The following KCND3 variants were observed in gnomAD, a reference collection of about 807,000 sequenced individuals.
KCND3 encodes A-type voltage-gated potassium channel KCND3.
Under a neutral mutation model 51.1 loss-of-function variants are expected in KCND3, and 9 were observed. The observed-to-expected ratio is 0.18, with a 90% confidence interval of 0.11 to 0.31. The LOEUF is 0.31. Among genes scored for constraint, KCND3 ranks in the 10% least tolerant of loss-of-function variants. KCND3 has a pLI of 1.00. For synonymous variants in KCND3, 349 were observed against 368.0 expected, an observed-to-expected ratio of 0.95 and a Z score of 0.59; for missense variants, 526 against 903.8, an observed-to-expected ratio of 0.58 and a Z score of 5.36.
intron 2 of KCND3, among the ~76,000 whole-genome samples, chr1:111,903,328 G>A (rs1442344455): frequency 1.3e-5 from 2 of 152,230 alleles, no homozygotes; most frequent in Non-Finnish European, 2.9e-5. Flanking sequence ...GGAAGGTCAT[G>A]TGACATTCAA....
chr1:111,952,528 C>T (rs1005040349), intron 2 of KCND3, among the ~76,000 whole-genome samples: 1 of 152,196 alleles, frequency 6.6e-6, no homozygotes, highest in Non-Finnish European at 1.5e-5. Flanking sequence ...CAGCTCAATA[C>T]GGGTAAGAAG....
chr1:111,934,150 T>C (rs921468036), intron 2 of KCND3, among the ~76,000 whole-genome samples: 7 of 152,260 alleles, frequency 4.6e-5, no homozygotes, highest in Non-Finnish European at 8.8e-5. Context: ...AGTCGCCAGG[T>C]TGCTGTCTCC....
chr1:111,961,396 G>A lies in KCND3; in HGVS notation c.1106+20225C>T, dbSNP rs549587380. 6.6e-5 allele frequency among the ~76,000 whole-genome samples: 10 copies of A among 152,300 alleles called. No homozygotes were observed. The South Asian group carries it at 1.0e-3, about 16-fold the overall frequency. On this transcript the variant is annotated intron_variant, in intron 2 of 7. Coordinates refer to ENST00000302127, the MANE Select transcript of KCND3 (RefSeq NM_001378969.1). The stretch of plus-strand genomic sequence containing the variant: ...CCTCGTTCCCTCCAGGCAGTTCCAA[G>A]CTAGGGAAGGGTGGAGGCTGGTGTG...
Position 111,981,538 on chromosome 1 carries a change from A to G in KCND3, c.1106+83T>C. On this transcript the variant is annotated intron_variant, in intron 2 of 7. Transcript: ENST00000302127. This position sits in a 1 kb window ranked among gnomAD's most constrained non-coding sequence, Gnocchi z 6.2. Reference sequence around the variant, plus strand: ...TAAGGGACTCCCTCCTCCTCTACCCATGGTGACACCATCCAAGGTTTCAGA... The same window carrying G: ...TAAGGGACTCCCTCCTCCTCTACCCGTGGTGACACCATCCAAGGTTTCAGA... 1 of 1,596,416 alleles carries G rather than the reference A, an allele frequency of 6.3e-7. No homozygotes were observed. Among genetic ancestry groups the G allele is most frequent in the Non-Finnish European group, 8.6e-7 (1 of 1,164,956 alleles).
intron 2 of KCND3, among the ~76,000 whole-genome samples, chr1:111,884,788 C>A (rs1469944612): frequency 1.3e-5 from 2 of 152,170 alleles, no homozygotes; most frequent in Admixed American, 6.5e-5. Context: ...TTCATTAAGA[C>A]TAGGTGACAC....
At chr1:111,975,321 T>C (rs1674567241) in intron 2 of KCND3, among the ~76,000 whole-genome samples, 1 of 152,152 alleles carries the variant, frequency 6.6e-6, no homozygotes, top group African/African-American at 2.4e-5. Flanking sequence ...TGAGGTTTCT[T>C]CTTGTGAAAT....
intron 2 of KCND3, among the ~76,000 whole-genome samples, chr1:111,979,614 T>G (rs1014412401): frequency 6.6e-6 from 1 of 152,118 alleles, no homozygotes. Flanking sequence ...AGCAGCCAGA[T>G]TGGTATTTGA....
At chr1:111,968,573 C>T (rs1385098805) in intron 2 of KCND3, among the ~76,000 whole-genome samples, 5 of 152,180 alleles carry the variant, frequency 3.3e-5, no homozygotes, top group African/African-American at 7.2e-5. Context: ...TCCTGTTACA[C>T]CCAGGGGTGA....
At chr1:111,899,190 T>G (rs1423782063) in intron 2 of KCND3, among the ~76,000 whole-genome samples, 2 of 152,198 alleles carry the variant, frequency 1.3e-5, no homozygotes, top group African/African-American at 4.8e-5. Context: ...GCTTTCTGGC[T>G]CAATACCTAG....
At chr1:111,808,115 C>G (rs1289771983) in intron 2 of KCND3, among the ~76,000 whole-genome samples, 1 of 152,186 alleles carries the variant, frequency 6.6e-6, no homozygotes, top group Non-Finnish European at 1.5e-5. Flanking sequence ...AAGGAATTAT[C>G]CAGAATGTAG....
Position 111,989,664 on chromosome 1 carries a change from T to C in KCND3, c.-232A>G, listed in dbSNP as rs980460905. 6.7e-6 allele frequency: 1 copy of C among 148,386 alleles called. No individual in the cohort carries two copies. The highest frequency in any genetic ancestry group is 2.4e-5 in the African/African-American group (1 of 40,910). The allele number at this position is 148,386 out of a possible 1,614,324, so 9.2% of individuals were successfully genotyped here. A position where few individuals can be genotyped will look rare whatever the true frequency, so the allele number is the denominator to read the frequency against. On this transcript the variant is annotated 5_prime_UTR_variant, in exon 1 of 8. Transcript: ENST00000302127. Reference sequence around the variant, plus strand: ...CTCCTCCTCGCCAGCGCAGTCTCGCTCGCTGCCTCCCTCGCTCGGTCGGTT... The same window carrying C: ...CTCCTCCTCGCCAGCGCAGTCTCGCCCGCTGCCTCCCTCGCTCGGTCGGTT...
At chr1:111,923,257 C>G (rs1157448161) in intron 2 of KCND3, among the ~76,000 whole-genome samples, 1 of 152,198 alleles carries the variant, frequency 6.6e-6, no homozygotes, top group Non-Finnish European at 1.5e-5. Flanking sequence ...ATATGGGTTG[C>G]ATCCTAGGTA....
At chr1:111,892,965 C>T (rs1052931181) in intron 2 of KCND3, among the ~76,000 whole-genome samples, 13 of 152,158 alleles carry the variant, frequency 8.5e-5, no homozygotes, top group Admixed American at 1.3e-4. Flanking sequence ...GTGAGTTTTG[C>T]TCACCTTGGA....
chr1:111,776,026 G>T lies in KCND3; in HGVS notation c.*51C>A. The T allele has an allele frequency of 6.3e-7, 1 of 1,594,576 alleles. No homozygotes were observed. The highest frequency in any genetic ancestry group is 2.2e-5 in the East Asian group (1 of 44,776). On this transcript the variant is annotated 3_prime_UTR_variant, in exon 8 of 8. Transcript: ENST00000302127. ...GGTCTCAGTGACCACCCACCAACAT[G>T]CCAGTCCCCTTCATTCCCCACTACC...
intron 2 of KCND3, among the ~76,000 whole-genome samples, chr1:111,793,468 C>T (rs1315913436): frequency 5.4e-5 from 8 of 149,068 alleles, no homozygotes; most frequent in African/African-American, 9.7e-5. Context: ...TGAGCCACCG[C>T]GCCCGGCCAG....
At chr1:111,958,020 C>A (rs1390115156) in intron 2 of KCND3, among the ~76,000 whole-genome samples, 1 of 152,118 alleles carries the variant, frequency 6.6e-6, no homozygotes, top group Non-Finnish European at 1.5e-5. Flanking sequence ...CTCCACTGTC[C>A]TGCAACTCAG....
At chr1:111,937,431 C>T (rs565253488) in intron 2 of KCND3, among the ~76,000 whole-genome samples, 6 of 152,130 alleles carry the variant, frequency 3.9e-5, no homozygotes, top group Non-Finnish European at 8.8e-5. Context: ...ATCAGACTCC[C>T]TGGGGGAAGG....
At position 111,786,790 on chromosome 1, in the gene KCND3, G is replaced by A. The variant is rs113354737; in HGVS notation, c.1269+154C>T. 0.018 allele frequency among the ~76,000 whole-genome samples: 2,760 copies of A among 152,216 alleles called. 79 individuals carry two copies. The highest frequency in any genetic ancestry group is 0.062 in the African/African-American group (2,566 of 41,516). On this transcript the variant is annotated intron_variant, in intron 3 of 7. Coordinates refer to ENST00000302127, the MANE Select transcript of KCND3 (RefSeq NM_001378969.1). Reference sequence around the variant, plus strand: ...AACTGACTGGGGCTGGAATTCAGGAGACTGGTGAGCAGGAAGGGACTGAAG... The same window carrying A: ...AACTGACTGGGGCTGGAATTCAGGAAACTGGTGAGCAGGAAGGGACTGAAG...
chr1:111,793,834 A>G (rs778664261), intron 2 of KCND3, among the ~76,000 whole-genome samples: 1 of 150,518 alleles, frequency 6.6e-6, no homozygotes, highest in Non-Finnish European at 1.5e-5. Flanking sequence ...GTCATGGCTT[A>G]GAAAAAAAAA....
Sources: gnomAD v4.1 joint callset for allele counts (sites outside exome capture counted in the v4.1 genomes callset) on GRCh38, gnomAD v4.1.1 for gene constraint, Gnocchi (gnomAD v3.1) non-coding constraint, MANE v1.5 for transcripts, NCBI Gene and HGNC (gene_info 2026-07-23, HGNC 2026-07-21) for gene names.